The following TSC22D1 variants were observed in gnomAD, a reference collection of about 807,000 sequenced individuals.
The protein encoded by TSC22D1 is TSC22 domain family member 1, also known as TSC22 domain family protein 1.
In TSC22D1, 9 loss-of-function variants were observed where a neutral mutation model predicts 74.2. The ratio of observed to expected loss-of-function variants is 0.12; its 90% CI spans 0.07 to 0.21. The LOEUF (loss-of-function observed/expected upper bound fraction) is 0.21. Ranked by LOEUF, TSC22D1 falls within the 10% of genes least tolerant of loss-of-function variation. TSC22D1 has a pLI of 1.00. For synonymous variants in TSC22D1, 586 were observed against 492.5 expected, an observed-to-expected ratio of 1.19 and a Z score of -2.51; for missense variants, 1,427 against 1,304.7, an observed-to-expected ratio of 1.09 and a Z score of -1.44.
At chr13:44,497,204 T>C (rs1372383998) in intron 1 of TSC22D1, among the ~76,000 whole-genome samples, 1 of 152,176 alleles carries the variant, frequency 6.6e-6, no homozygotes, top group East Asian at 1.9e-4. Flanking sequence ...ATACATGAAA[T>C]ATCATTCAGC....
chr13:44,474,160 T>C (rs1287231923), intron 1 of TSC22D1: 5 of 882,908 alleles, frequency 5.7e-6, no homozygotes, highest in Non-Finnish European at 6.8e-6. Flanking sequence ...AGGCAGGACT[T>C]AGGACAACTG....
chr13:44,559,935 G>A (rs898540458), intron 1 of TSC22D1, among the ~76,000 whole-genome samples: 2 of 151,710 alleles, frequency 1.3e-5, no homozygotes, highest in Admixed American at 6.6e-5. Context: ...CAAGTGATCC[G>A]CCCGCCTTGG....
chr13:44,545,328 TG>T (rs764611143), intron 1 of TSC22D1, among the ~76,000 whole-genome samples: 1 of 152,110 alleles, frequency 6.6e-6, no homozygotes, highest in South Asian at 2.1e-4. Context: ...AGCGAGATTC[TG>T]TCTCAAAAAA....
intron 1 of TSC22D1, among the ~76,000 whole-genome samples, chr13:44,456,745 G>A (rs975021258): frequency 6.6e-6 from 1 of 152,050 alleles, no homozygotes; most frequent in Non-Finnish European, 1.5e-5. Context: ...AAGAGCTCTT[G>A]GAAACTGAAA....
intron 1 of TSC22D1, among the ~76,000 whole-genome samples, chr13:44,494,608 A>C (rs1878882194): frequency 6.6e-6 from 1 of 151,948 alleles, no homozygotes; most frequent in African/African-American, 2.4e-5. Flanking sequence ...CAACCCACAC[A>C]AGCAACAAAA....
chr13:44,464,659 A>C (rs1051729869), intron 1 of TSC22D1, among the ~76,000 whole-genome samples: 1 of 152,256 alleles, frequency 6.6e-6, no homozygotes. Flanking sequence ...ACAGCTGGTG[A>C]ATTACAGCCT....
intron 1 of TSC22D1, among the ~76,000 whole-genome samples, chr13:44,514,055 A>G (rs889217768): frequency 6.6e-6 from 1 of 152,216 alleles, no homozygotes; most frequent in African/African-American, 2.4e-5. Context: ...TCTATTACTC[A>G]TTTATTCTAT....
intron 1 of TSC22D1, among the ~76,000 whole-genome samples, chr13:44,444,641 T>C (rs1344410426): frequency 1.3e-5 from 2 of 152,094 alleles, no homozygotes; most frequent in Non-Finnish European, 2.9e-5. Context: ...GTAATTAAAT[T>C]AGAAATCAAT....
chr13:44,512,935 A>C (rs1422104724), intron 1 of TSC22D1, among the ~76,000 whole-genome samples: 1 of 152,350 alleles, frequency 6.6e-6, no homozygotes, highest in East Asian at 1.9e-4. Flanking sequence ...GGCGTGAGCC[A>C]CTGCGCCTGG....
chr13:44,556,060 TATTAC>T (rs1882615450), intron 1 of TSC22D1, among the ~76,000 whole-genome samples: 1 of 152,118 alleles, frequency 6.6e-6, no homozygotes, highest in Non-Finnish European at 1.5e-5. Context: ...GTAAGGCTTA[TATTAC>T]ATTACTATTA....
chr13:44,508,847 C>T (rs959935778), intron 1 of TSC22D1, among the ~76,000 whole-genome samples: 4 of 152,134 alleles, frequency 2.6e-5, no homozygotes, highest in Middle Eastern at 3.4e-3. Context: ...CTCCTGTGTC[C>T]TCAGCCAATA....
chr13:44,551,098 A>G (rs2138146835), intron 1 of TSC22D1, among the ~76,000 whole-genome samples: 1 of 152,202 alleles, frequency 6.6e-6, no homozygotes, highest in East Asian at 1.9e-4. Context: ...ACAGAATGGA[A>G]TCCCATCTCA....
rs78108164 is a variant in TSC22D1, at chr13:44,453,865, A to G, written c.2913-17770T>C. Among the ~76,000 whole-genome samples, 1,070 of 152,346 alleles carry G rather than the reference A, an allele frequency of 7.0e-3. 14 individuals carry two copies. Among genetic ancestry groups the G allele is most frequent in the African/African-American group, 0.024 (993 of 41,564 alleles). On this transcript the variant is annotated intron_variant, in intron 1 of 2. Coordinates refer to ENST00000458659, the MANE Select transcript of TSC22D1 (RefSeq NM_183422.4). ...AATGCTCCTAATTGAAGATGCTTCA[A>G]TTTTACTTAATGATTTTGCATTGGT...
At chr13:44,470,419 A>T (rs1438398429) in intron 1 of TSC22D1, among the ~76,000 whole-genome samples, 1 of 152,196 alleles carries the variant, frequency 6.6e-6, no homozygotes, top group African/African-American at 2.4e-5. Context: ...AGGAAAATAG[A>T]TTCGCGTCTG....
chr13:44,564,008 C>A (rs1298392564), intron 1 of TSC22D1, among the ~76,000 whole-genome samples: 1 of 152,106 alleles, frequency 6.6e-6, no homozygotes, highest in African/African-American at 2.4e-5. Flanking sequence ...TTTGATTATA[C>A]CTAAGCATTG....
At chr13:44,571,521 A>C (rs1883765313) in intron 1 of TSC22D1, among the ~76,000 whole-genome samples, 1 of 152,190 alleles carries the variant, frequency 6.6e-6, no homozygotes, top group Non-Finnish European at 1.5e-5. Context: ...TTTGAATTCA[A>C]AATGAGTGTT....
At chr13:44,538,615 C>T (rs1881289562) in intron 1 of TSC22D1, 2 of 985,254 alleles carry the variant, frequency 2.0e-6, no homozygotes, top group South Asian at 9.4e-5. Context: ...ATTTTCATGG[C>T]CATGTAAAAT....
chr13:44,502,964 T>G (rs1879281543), intron 1 of TSC22D1, among the ~76,000 whole-genome samples: 1 of 152,204 alleles, frequency 6.6e-6, no homozygotes, highest in South Asian at 2.1e-4. Context: ...TAAACTTCCC[T>G]CATATTTCCA....
chr13:44,537,538 TA>T, intron 1 of TSC22D1: 3 of 985,146 alleles, frequency 3.0e-6, no homozygotes, highest in Non-Finnish European at 3.6e-6. Flanking sequence ...TCAACTAACT[TA>T]ATTTCCAAGC....
Sources: allele counts gnomAD v4.1 joint callset (sites outside exome capture counted in the v4.1 genomes callset), GRCh38; gene constraint gnomAD v4.1.1; transcripts MANE v1.5; gene names NCBI Gene and HGNC (gene_info 2026-07-23, HGNC 2026-07-21).